The following SSH1 variants were observed in gnomAD, a reference collection of about 807,000 sequenced individuals.
The protein encoded by SSH1 is slingshot protein phosphatase 1, also known as protein phosphatase Slingshot homolog 1.
Under a neutral mutation model 79.7 loss-of-function variants are expected in SSH1, and 43 were observed. That is an observed-to-expected ratio of 0.54 (90% CI 0.42 to 0.70). SSH1 has a LOEUF of 0.70. Ranked by LOEUF, SSH1 falls within the 30% of genes least tolerant of loss-of-function variation. The probability of loss-of-function intolerance (pLI) is 0.00; values close to 1 mark genes in which losing one functional copy is unlikely to be tolerated. For missense variants in SSH1, 1,206 were observed against 1,358.8 expected (o/e 0.89, Z 1.77); for synonymous variants, 599 against 538.3 (o/e 1.11, Z -1.56).
Position 108,817,159 on chromosome 12 carries a change from C to T in SSH1, c.280G>A (p.Ala94Thr). ...GCCCAGGCGCTCTCCAGGCGCACTG[C>T]CTGGAACAGGGCAGACATGCTCTCA... ...LLRCEDRIKL[A>T]VRLESAWADR... The change falls in exon 5 of 15, where the codon GCA becomes ACA. Residue 94 changes from alanine to threonine, a missense_variant and splice_region_variant. Physicochemically the swap from Ala to Thr is moderately conservative, Grantham distance 58 (BLOSUM62 0). Transcript: ENST00000326495. 3 of 1,613,806 alleles carry T rather than the reference C, an allele frequency of 1.9e-6. No homozygotes were observed. Among genetic ancestry groups the T allele is most frequent in the Non-Finnish European group, 1.7e-6 (2 of 1,179,978 alleles).
chr12:108,811,566 C>T (rs1384427244), intron 5 of SSH1: 1 of 560,192 alleles, frequency 1.8e-6, no homozygotes, highest in Non-Finnish European at 3.3e-6. Flanking sequence ...GACCGCACGC[C>T]CACTCTACAG....
intron 2 of SSH1, among the ~76,000 whole-genome samples, chr12:108,848,544 A>AT (rs1408555000): frequency 6.6e-6 from 1 of 152,158 alleles, no homozygotes; most frequent in Non-Finnish European, 1.5e-5. Flanking sequence ...CTATTCCATA[A>AT]TTTTCTTCTC....
At chr12:108,853,981 G>A (rs2039096416) in intron 1 of SSH1, among the ~76,000 whole-genome samples, 1 of 151,250 alleles carries the variant, frequency 6.6e-6, no homozygotes, top group South Asian at 2.1e-4. Flanking sequence ...ATATTAAGAT[G>A]AAGTACATAC....
chr12:108,829,055 T>G (rs2038406800), intron 2 of SSH1, among the ~76,000 whole-genome samples: 1 of 151,946 alleles, frequency 6.6e-6, no homozygotes, highest in Non-Finnish European at 1.5e-5. Context: ...AAACTGGGGG[T>G]GATGACTCAT....
At chr12:108,818,389 T>C in intron 3 of SSH1, 76 bp from the exon 4 acceptor site, 1 of 1,336,420 alleles carries the variant, frequency 7.5e-7, no homozygotes, top group Non-Finnish European at 1.1e-6. Context: ...AAAGGCTGAC[T>C]TTGAGGGCTT....
chr12:108,811,423 G>T, intron 5 of SSH1, 95 bp from the exon 6 acceptor site: 1 of 1,117,120 alleles, frequency 9.0e-7, no homozygotes, highest in Middle Eastern at 2.3e-4. Context: ...CGGGCTGTTG[G>T]ACGTACGTGT....
rs1297718699 is a variant in SSH1 at position 108,788,358 on chromosome 12, G to A, written c.2780C>T (p.Ser927Phe). Residue 927 changes from serine to phenylalanine, a missense_variant, in exon 15 of 15, where the codon TCC becomes TTC. Physicochemically the swap from Ser to Phe is radical, Grantham distance 155 (BLOSUM62 -2). This residue lies in a region of SSH1 where 709 missense variants were observed against 730.6 expected (regional missense o/e 0.97). Coordinates refer to ENST00000326495, the MANE Select transcript of SSH1 (RefSeq NM_018984.4). ...KTICYTPTSSSMSSNLTRSSS... is the reference protein window; with the variant it reads ...KTICYTPTSSFMSSNLTRSSS... ...GCTCCGGGTCAGGTTGGAGCTCATG[G>A]AAGAGGAGGTGGGGGTGTAGCAGAT... 3 of 1,613,218 alleles carry A rather than the reference G, an allele frequency of 1.9e-6. No individual in the cohort carries two copies. The highest frequency in any genetic ancestry group is 2.5e-6 in the Non-Finnish European group (3 of 1,179,962).
intron 2 of SSH1, among the ~76,000 whole-genome samples, chr12:108,843,263 C>T (rs1263386511): frequency 2.0e-5 from 3 of 152,100 alleles, no homozygotes; most frequent in East Asian, 3.9e-4. Context: ...ACGGAGGCAA[C>T]GGTGGGAAGA....
chr12:108,808,387 G>A lies in SSH1; in HGVS notation c.537-560C>T, dbSNP rs866356416. 1.3e-4 allele frequency among the ~76,000 whole-genome samples: 20 copies of A among 152,308 alleles called. No individual in the cohort carries two copies. The Middle Eastern group carries it at 0.01, about 78-fold the overall frequency. The stretch of plus-strand genomic sequence containing the variant: ...CACTGATTGAATCTAAGAGTGGCCA[G>A]AACACCCCACATTATTTCCAAAGAG... On this transcript the variant is annotated intron_variant, in intron 7 of 14. Coordinates refer to ENST00000326495, the MANE Select transcript of SSH1 (RefSeq NM_018984.4).
chr12:108,844,642 G>C (rs1462821669), intron 2 of SSH1, among the ~76,000 whole-genome samples: 2 of 152,222 alleles, frequency 1.3e-5, no homozygotes, highest in Non-Finnish European at 2.9e-5. Flanking sequence ...TTTGAATGTG[G>C]GAGGGACCAG....
At position 108,788,600 on chromosome 12, in the gene SSH1, G is replaced by C. The variant is rs1177930742; in HGVS notation, c.2538C>G (p.Gly846=). 6.2e-7 allele frequency: 1 copy of C among 1,607,076 alleles called. No individual in the cohort carries two copies. The highest frequency in any genetic ancestry group is 1.3e-5 in the African/African-American group (1 of 74,858). The change falls in exon 15 of 15, where the codon GGC becomes GGG. Residue 846 remains glycine, a synonymous_variant. Coordinates refer to ENST00000326495, the MANE Select transcript of SSH1 (RefSeq NM_018984.4). ...TGCTGGCCTCCAGCCTGCTGGCAGG[G>C]CCATCCCTGGAGGGAGGTGCTGGGT... ...PADPAPPSRD[G]PASRLEASIP... is the part of the protein sequence containing the mutation.
chr12:108,803,371 AAAAAG>A (rs1290120706), intron 10 of SSH1, among the ~76,000 whole-genome samples: 1 of 151,858 alleles, frequency 6.6e-6, no homozygotes, highest in Non-Finnish European at 1.5e-5. Flanking sequence ...GGGGAAAAAA[AAAAAG>A]AAAAGAAAAA....
chr12:108,789,801 CACAGG>C (rs2036426578), intron 14 of SSH1, among the ~76,000 whole-genome samples: 1 of 152,134 alleles, frequency 6.6e-6, no homozygotes, highest in African/African-American at 2.4e-5. Context: ...ACCCCGCCTG[CACAGG>C]ACTGTAGGCT....
At chr12:108,798,472 C>T (rs1054777461) in intron 13 of SSH1, among the ~76,000 whole-genome samples, 4 of 152,202 alleles carry the variant, frequency 2.6e-5, no homozygotes, top group East Asian at 1.9e-4. Flanking sequence ...CTAAGCAGCT[C>T]GGACTACAAG....
chr12:108,847,692 A>C (rs2038929127), intron 2 of SSH1, among the ~76,000 whole-genome samples: 1 of 152,216 alleles, frequency 6.6e-6, no homozygotes. Context: ...CCGGAGCTCC[A>C]GTGATCCGTC....
At chr12:108,816,123 G>A (rs1350288367) in intron 5 of SSH1, among the ~76,000 whole-genome samples, 1 of 152,176 alleles carries the variant, frequency 6.6e-6, no homozygotes, top group African/African-American at 2.4e-5. Context: ...CTGCCAGAAA[G>A]GTCCTGCCAG....
chr12:108,843,520 T>C (rs2038827207), intron 2 of SSH1, among the ~76,000 whole-genome samples: 1 of 152,034 alleles, frequency 6.6e-6, no homozygotes, highest in Non-Finnish European at 1.5e-5. Flanking sequence ...AAATTCTTAA[T>C]AATGTTTGTT....
chr12:108,820,601 G>A (rs1256751190), intron 3 of SSH1, among the ~76,000 whole-genome samples: 2 of 152,216 alleles, frequency 1.3e-5, no homozygotes, highest in Admixed American at 6.5e-5. Context: ...CCAAACCCCA[G>A]TCTGACATCC....
chr12:108,791,893 A>T (rs2036517091), intron 14 of SSH1: 2 of 1,249,988 alleles, frequency 1.6e-6, no homozygotes, highest in South Asian at 7.0e-5. Flanking sequence ...TGAGATGAAA[A>T]AGAATAGTCA....
Sources: allele counts gnomAD v4.1 joint callset (sites outside exome capture counted in the v4.1 genomes callset), GRCh38; gene constraint gnomAD v4.1.1; regional missense constraint gnomAD v4.1.1; transcripts MANE v1.5; gene names NCBI Gene and HGNC (gene_info 2026-07-23, HGNC 2026-07-21).